Variants in PLA2G5 observed in about 807,000 individuals in gnomAD.
The protein encoded by PLA2G5 is Ca2+-dependent phospholipase A2.
PLA2G5 carries 12 observed loss-of-function variants against 15.9 expected under a neutral mutation model. The observed-to-expected ratio is 0.76, with a 90% CI of 0.48 to 1.23. PLA2G5 has a LOEUF of 1.23. Among genes scored for constraint, PLA2G5 ranks in the 50% most tolerant of loss-of-function variants. PLA2G5 has a pLI of 0.00. For synonymous variants in PLA2G5, 71 were observed against 71.4 expected, an observed-to-expected ratio of 0.99 and a Z score of 0.03; for missense variants, 169 against 177.1, an observed-to-expected ratio of 0.95 and a Z score of 0.26.
chr1:20,050,222 G>A (rs2014116918), intron 1 of PLA2G5, among the ~76,000 whole-genome samples: 1 of 152,074 alleles, frequency 6.6e-6, no homozygotes, highest in Admixed American at 6.6e-5. Context: ...TTTGACTCCT[G>A]GGTCTAAAAA....
At chr1:20,059,268 A>G (rs2014585564) in intron 1 of PLA2G5, among the ~76,000 whole-genome samples, 1 of 152,080 alleles carries the variant, frequency 6.6e-6, no homozygotes, top group South Asian at 2.1e-4. Flanking sequence ...CCTATTCTCT[A>G]CTAAAAAATA....
intron 1 of PLA2G5, among the ~76,000 whole-genome samples, chr1:20,046,723 T>C (rs2013924401): frequency 6.6e-6 from 1 of 152,186 alleles, no homozygotes; most frequent in Non-Finnish European, 1.5e-5. Flanking sequence ...CTTTGTACTG[T>C]GAGAGGATTT....
In PLA2G5 at chr1:20,030,759, G is replaced by C. The variant is rs117569556; in HGVS notation, n.276+2050G>C. ...GTGTCCCTGGGTACTCGAAACTAGA[G>C]AATGGTGATGACTTTTACCAAGCAT... On this transcript the variant is annotated intron_variant and non_coding_transcript_variant, in intron 1 of 6. Transcript: ENST00000460175. 4.4e-3 allele frequency among the ~76,000 whole-genome samples: 677 copies of C among 152,248 alleles called. 28 individuals are homozygous for C. The East Asian group carries it at 0.11, about 26-fold the overall frequency.
At chr1:20,044,332 T>C (rs2013778939) in intron 1 of PLA2G5, among the ~76,000 whole-genome samples, 2 of 151,878 alleles carry the variant, frequency 1.3e-5, no homozygotes, top group African/African-American at 4.8e-5. Flanking sequence ...TCTCTATTAT[T>C]GTACACCTTG....
intron 1 of PLA2G5, among the ~76,000 whole-genome samples, chr1:20,051,640 ATC>A (rs1248811582): frequency 2.6e-5 from 4 of 152,236 alleles, no homozygotes; most frequent in Non-Finnish European, 5.9e-5. Flanking sequence ...TGCAGTAAGA[ATC>A]TGTTTTCATT....
chr1:20,067,917 G>A (rs1290821237), upstream of PLA2G5, among the ~76,000 whole-genome samples: 2 of 152,084 alleles, frequency 1.3e-5, no homozygotes, highest in South Asian at 2.1e-4. Context: ...TAAGGAGTTC[G>A]TGACCAGCCT....
At chr1:20,075,636 T>C (rs1370655033) in intron 1 of PLA2G5, among the ~76,000 whole-genome samples, 1 of 152,156 alleles carries the variant, frequency 6.6e-6, no homozygotes, top group Non-Finnish European at 1.5e-5. Flanking sequence ...TGTATTGGCT[T>C]ATGAGGGCTG....
upstream of PLA2G5, among the ~76,000 whole-genome samples, chr1:20,069,513 A>G (rs1185718695): frequency 1.3e-5 from 2 of 152,120 alleles, no homozygotes; most frequent in African/African-American, 4.8e-5. Flanking sequence ...TTCCACAAAA[A>G]ATACAAAAAA....
At chr1:20,056,484 T>A (rs1278135205) in intron 1 of PLA2G5, among the ~76,000 whole-genome samples, 1 of 152,186 alleles carries the variant, frequency 6.6e-6, no homozygotes, top group African/African-American at 2.4e-5. Context: ...GTGTTGTTTT[T>A]CTTCTTTAGG....
chr1:20,042,461 C>T lies in PLA2G5; in HGVS notation n.276+13752C>T, dbSNP rs552192131. Among the ~76,000 whole-genome samples the T allele has an allele frequency of 9.9e-5, 15 of 152,208 alleles. No homozygotes were observed. In the East Asian group the frequency reaches 1.2e-3, roughly 12 times the overall value. ...GTTTGGACAGAAAGGCTACAGGGTG[C>T]GGTCCCAGCTCTTGTGTAGGAATTT... On this transcript the variant is annotated intron_variant and non_coding_transcript_variant, in intron 1 of 6. Coordinates refer to the PLA2G5 transcript ENST00000460175.
At position 20,081,659 on chromosome 1, in the gene PLA2G5, C is replaced by T. The variant is rs11573252; in HGVS notation, c.-10-3162C>T. On this transcript the variant is annotated intron_variant, in intron 1 of 4. Transcript: ENST00000375108. ...TGGGGTGATTTAGGGCAGGAGAAAC[C>T]TTGGCTTGGAGTGTGAGAGTGAGGG... Among the ~76,000 whole-genome samples the T allele has an allele frequency of 7.2e-3, 1,095 of 151,818 alleles. 32 individuals are homozygous for T. The highest frequency in any genetic ancestry group is 0.025 in the African/African-American group (1,038 of 41,156).
upstream of PLA2G5, among the ~76,000 whole-genome samples, chr1:20,069,663 AAAAG>A (rs57068796): frequency 0.075 from 10,640 of 142,264 alleles, 513 homozygotes; most frequent in African/African-American, 0.13. Context: ...CTCAGCTCAG[AAAAG>A]AAAGAAAGAA....
upstream of PLA2G5, chr1:20,069,032 G>A: frequency 1.1e-6 from 1 of 894,798 alleles, no homozygotes; most frequent in Non-Finnish European, 1.6e-6. Flanking sequence ...ATGGCCATAA[G>A]GTGTGTGTAA....
At chr1:20,088,281 T>A (rs555537640) in intron 3 of PLA2G5, among the ~76,000 whole-genome samples, 1 of 151,256 alleles carries the variant, frequency 6.6e-6, no homozygotes, top group East Asian at 1.9e-4. Flanking sequence ...CACTTGAACC[T>A]GGGAGGCAGA....
chr1:20,028,883 C>T (rs2012713928), intron 1 of PLA2G5, among the ~76,000 whole-genome samples: 2 of 152,208 alleles, frequency 1.3e-5, no homozygotes, highest in South Asian at 4.1e-4. Flanking sequence ...TTCTTCAGTG[C>T]CCTGCTGCTC....
chr1:20,077,407 T>C (rs1237830209), intron 1 of PLA2G5, among the ~76,000 whole-genome samples: 1 of 152,150 alleles, frequency 6.6e-6, no homozygotes, highest in Non-Finnish European at 1.5e-5. Flanking sequence ...ATATTTGACG[T>C]GTGGACTGGG....
At chr1:20,043,477 G>C (rs977524078) in intron 1 of PLA2G5, among the ~76,000 whole-genome samples, 1 of 152,084 alleles carries the variant, frequency 6.6e-6, no homozygotes. Flanking sequence ...GGTTAGTAAT[G>C]GGTGTGTGAT....
rs1424231041 is a variant in PLA2G5 at position 20,084,864 on chromosome 1, G to A, written c.34G>A (p.Ala12Thr). 2 of 1,609,448 alleles carry A rather than the reference G, an allele frequency of 1.2e-6. No individual in the cohort carries two copies. Among genetic ancestry groups the A allele is most frequent in the South Asian group, 1.1e-5 (1 of 90,980 alleles). ...CCTCCTCCCACTGGCTTGGTTCCTG[G>A]CTTGTAGTAAGTGCTGGCCCCGTGA... ...KGLLPLAWFL[A>T]CSVPAVQGGL... The change falls in exon 2 of 5, where the codon GCT (alanine) becomes ACT (threonine). Residue 12 changes from alanine to threonine, a missense_variant. Physicochemically the swap from Ala to Thr is moderately conservative, Grantham distance 58 (BLOSUM62 0). Coordinates refer to ENST00000375108, the MANE Select transcript of PLA2G5 (RefSeq NM_000929.3).
intron 1 of PLA2G5, among the ~76,000 whole-genome samples, chr1:20,079,894 A>G (rs973216377): frequency 2.0e-5 from 3 of 152,144 alleles, no homozygotes; most frequent in African/African-American, 7.2e-5. Flanking sequence ...TCAGGTGCCA[A>G]AAAAGGGCTA....
Sources: gnomAD v4.1 joint callset for allele counts (sites outside exome capture counted in the v4.1 genomes callset) on GRCh38, gnomAD v4.1.1 for gene constraint, MANE v1.5 for transcripts, NCBI Gene and HGNC (gene_info 2026-07-23, HGNC 2026-07-21) for gene names.